CLNK: variants seen among roughly 807,000 people sequenced by gnomAD.
CLNK encodes cytokine dependent hematopoietic cell linker.
CLNK carries 74 observed loss-of-function variants against 68.6 expected under a neutral mutation model. The ratio of observed to expected loss-of-function variants is 1.08; its 90% CI spans 0.89 to 1.31. The LOEUF (loss-of-function observed/expected upper bound fraction) is 1.31, where lower values mean the gene tolerates loss of function less well. Among genes scored for constraint, CLNK ranks in the 50% most tolerant of loss-of-function variants. The pLI is 0.00. For missense variants in CLNK, 553 were observed against 515.3 expected, an observed-to-expected ratio of 1.07 and a Z score of -0.71; for synonymous variants, 198 against 172.2, an observed-to-expected ratio of 1.15 and a Z score of -1.17.
At chr4:10,704,185 A>G in the CLNK span, among the ~76,000 whole-genome samples, 2 of 152,172 alleles carry the variant, frequency 1.3e-5, no homozygotes, top group Non-Finnish European at 2.9e-5. Flanking sequence ...AGGAGGAGAG[A>G]GAAAGAGAGA....
intron 2 of CLNK, among the ~76,000 whole-genome samples, chr4:10,630,257 A>G (rs1722832718): frequency 6.6e-6 from 1 of 152,206 alleles, no homozygotes; most frequent in Non-Finnish European, 1.5e-5. Context: ...GCCTTTCTAT[A>G]GTACATGATG....
intron 2 of CLNK, among the ~76,000 whole-genome samples, chr4:10,638,004 G>C (rs1168992799): frequency 6.6e-6 from 1 of 152,130 alleles, no homozygotes; most frequent in Admixed American, 6.6e-5. Flanking sequence ...AGTGAGCACA[G>C]GGTCATCTAG....
At chr4:10,571,872 T>C (rs536123312) in intron 4 of CLNK, 94 bp from the exon 5 acceptor site, 3 of 999,066 alleles carry the variant, frequency 3.0e-6, no homozygotes, top group East Asian at 2.5e-5. Flanking sequence ...AGAAATCTTT[T>C]GTCAGTTTTA....
chr4:10,524,268 G>A (rs959889851), intron 14 of CLNK, among the ~76,000 whole-genome samples: 5 of 152,176 alleles, frequency 3.3e-5, no homozygotes, highest in African/African-American at 1.2e-4. Flanking sequence ...AATGGGACCA[G>A]AGAAGAAAGT....
rs1716440865 is a variant in CLNK at position 10,488,610 on chromosome 4, A to G, written c.*1857T>C. 6.6e-6 allele frequency: 1 copy of G among 152,226 alleles called. No individual in the cohort carries two copies. The highest frequency in any genetic ancestry group is 6.5e-5 in the Admixed American group (1 of 15,282). The allele number at this position is 152,226 out of a possible 1,614,324, so 9.4% of individuals were successfully genotyped here. On this transcript the variant is annotated 3_prime_UTR_variant, in exon 19 of 19. Coordinates refer to ENST00000226951, the MANE Select transcript of CLNK (RefSeq NM_052964.4). ...TAATCCTCTGCAGGCATACTCTACG[A>G]TAGGCTCAGCTGGGTCTCAAAAGTT...
chr4:10,513,163 T>C (rs897629075), intron 16 of CLNK, among the ~76,000 whole-genome samples: 2 of 151,820 alleles, frequency 1.3e-5, no homozygotes, highest in Admixed American at 6.6e-5. Flanking sequence ...ATTGGACAGC[T>C]GGTAAATATA....
chr4:10,586,216 C>A (rs1011784149), intron 3 of CLNK, among the ~76,000 whole-genome samples: 22 of 152,192 alleles, frequency 1.4e-4, no homozygotes, highest in African/African-American at 4.8e-4. Flanking sequence ...GTTGGGGACC[C>A]CTGATCTACA....
At position 10,562,752 on chromosome 4, in the gene CLNK, T is replaced by A. The variant is rs186875455; in HGVS notation, c.399+1919A>T. Among the ~76,000 whole-genome samples, 1,394 of 152,310 alleles carry A rather than the reference T, an allele frequency of 9.2e-3. 22 individuals are homozygous for A. Among genetic ancestry groups the A allele is most frequent in the South Asian group, 0.023 (113 of 4,816 alleles). ...TATCATTCATTCTTTCAGTTCGATC[T>A]CTACTGAGAATTTTTTTCCTTGACC... On this transcript the variant is annotated intron_variant, in intron 7 of 18. Transcript: ENST00000226951.
At chr4:10,570,265 C>T (rs528914061) in intron 5 of CLNK, among the ~76,000 whole-genome samples, 1 of 152,202 alleles carries the variant, frequency 6.6e-6, no homozygotes, top group East Asian at 1.9e-4. Context: ...AACTTTCCAC[C>T]CAATACCTTT....
chr4:10,617,724 G>T (rs1722290592), intron 2 of CLNK, among the ~76,000 whole-genome samples: 1 of 152,198 alleles, frequency 6.6e-6, no homozygotes, highest in Non-Finnish European at 1.5e-5. Context: ...CATATAGCCA[G>T]AAAAGACTGA....
At chr4:10,513,381 T>A (rs1379737862) in intron 16 of CLNK, 83 bp downstream of exon 16, 28 of 1,285,068 alleles carry the variant, frequency 2.2e-5, no homozygotes, top group Non-Finnish European at 2.9e-5. Context: ...ACATAAATAA[T>A]CTCCTTTTGG....
At position 10,573,036 on chromosome 4, in the gene CLNK, C is replaced by T. The variant is rs184616097; in HGVS notation, c.113-1258G>A. Among the ~76,000 whole-genome samples, 349 of 152,210 alleles carry T rather than the reference C, an allele frequency of 2.3e-3. 1 individual carries two copies. Among genetic ancestry groups the T allele is most frequent in the Non-Finnish European group, 3.9e-3 (264 of 68,006 alleles). ...GTAGAAATGGGTTTCACTATGTTGGCCAGGCTATTCTCGAACTCCTGACCT... is the reference window on the plus strand; with the variant it reads ...GTAGAAATGGGTTTCACTATGTTGGTCAGGCTATTCTCGAACTCCTGACCT... On this transcript the variant is annotated intron_variant, in intron 4 of 18. Transcript: ENST00000226951.
At chr4:10,616,809 TATATATATATATATAC>T (rs1299005284) in intron 2 of CLNK, among the ~76,000 whole-genome samples, 4 of 74,758 alleles carry the variant, frequency 5.4e-5, no homozygotes, top group Admixed American at 1.6e-4. Context: ...TATATATATA[TATATATATATATATAC>T]ACGCATTTTT....
chr4:10,524,547 G>C (rs58436241), intron 14 of CLNK, among the ~76,000 whole-genome samples: 9,781 of 152,130 alleles, frequency 0.064, 580 homozygotes, highest in African/African-American at 0.15. Context: ...CAATTAAAGG[G>C]AGCTTTTTAG....
the CLNK span, among the ~76,000 whole-genome samples, chr4:10,733,095 C>T: frequency 7.2e-5 from 11 of 152,110 alleles, no homozygotes; most frequent in Non-Finnish European, 1.0e-4. Flanking sequence ...TCGGTTATAG[C>T]TGTCAATTAT....
Position 10,490,700 on chromosome 4 carries a change from T to C in CLNK, c.1141-87A>G, listed in dbSNP as rs79497532. On this transcript the variant is annotated intron_variant, in intron 18 of 18. Transcript: ENST00000226951. ...TATAGCCAAGGTGCTTCATTTTGCA[T>C]GGGGAAGAGGTGAACCAATTTAACA... 122 of 1,090,724 alleles carry C rather than the reference T, an allele frequency of 1.1e-4. No individual in the cohort carries two copies. In the African/African-American group the frequency reaches 1.7e-3, roughly 15 times the overall value. The allele number at this position is 1,090,724 out of a possible 1,614,324, so 67.6% of individuals were successfully genotyped here.
At chr4:10,611,699 A>T (rs565986443) in intron 2 of CLNK, among the ~76,000 whole-genome samples, 1 of 152,204 alleles carries the variant, frequency 6.6e-6, no homozygotes, top group South Asian at 2.1e-4. Context: ...AAATGAGAAG[A>T]CAGAGTGAGG....
At chr4:10,539,407 C>A (rs1718928886) in intron 11 of CLNK, among the ~76,000 whole-genome samples, 1 of 152,174 alleles carries the variant, frequency 6.6e-6, no homozygotes, top group East Asian at 1.9e-4. Context: ...CAAAATGAGC[C>A]TATCCTGAGT....
intron 15 of CLNK, among the ~76,000 whole-genome samples, chr4:10,513,955 C>A (rs1401063149): frequency 7.1e-6 from 1 of 141,400 alleles, no homozygotes; most frequent in African/African-American, 2.6e-5. Flanking sequence ...TGCGCTGCAC[C>A]CACTAACTCG....
Sources: gnomAD v4.1 joint callset for allele counts (sites outside exome capture counted in the v4.1 genomes callset) on GRCh38, gnomAD v4.1.1 for gene constraint, MANE v1.5 for transcripts, NCBI Gene and HGNC (gene_info 2026-07-23, HGNC 2026-07-21) for gene names.